The following CSMD1 variants were observed in gnomAD, a reference collection of about 807,000 sequenced individuals.
The protein encoded by CSMD1 is CUB and Sushi multiple domains 1.
A neutral mutation model predicts 417.5 loss-of-function variants in CSMD1; 213 were observed. The observed-to-expected ratio is 0.51, with a 90% confidence interval of 0.46 to 0.57. CSMD1 has a LOEUF of 0.57. Ranked by LOEUF, CSMD1 falls within the 20% of genes least tolerant of loss-of-function variation. The pLI is 0.00. For missense variants in CSMD1, 6,923 were observed against 4,529.7 expected, an observed-to-expected ratio of 1.53 and a Z score of -15.17; for synonymous variants, 2,862 against 1,736.8, an observed-to-expected ratio of 1.65 and a Z score of -16.11.
At chr8:4,309,626 G>A (rs539972157) in intron 3 of CSMD1, among the ~76,000 whole-genome samples, 1 of 151,990 alleles carries the variant, frequency 6.6e-6, no homozygotes, top group Admixed American at 6.6e-5. Context: ...AACTCCCTTG[G>A]GAAGGGGCAT....
intron 5 of CSMD1, among the ~76,000 whole-genome samples, chr8:3,802,447 A>C (rs1195568874): frequency 6.6e-6 from 1 of 152,126 alleles, no homozygotes; most frequent in African/African-American, 2.4e-5. Context: ...TTTTCTTATT[A>C]AATTTGTCAG....
chr8:3,144,259 T>G (rs555759325), intron 40 of CSMD1, among the ~76,000 whole-genome samples: 1 of 148,006 alleles, frequency 6.8e-6, no homozygotes, highest in Admixed American at 6.7e-5. Context: ...GACAAAGGCC[T>G]CACTTTTTCT....
At chr8:4,768,015 G>T (rs1033466926) in intron 1 of CSMD1, among the ~76,000 whole-genome samples, 1 of 152,114 alleles carries the variant, frequency 6.6e-6, no homozygotes, top group Non-Finnish European at 1.5e-5. Flanking sequence ...TCACATTTAC[G>T]TTCAACAGAC....
chr8:3,562,681 A>G (rs1327972512), intron 10 of CSMD1, among the ~76,000 whole-genome samples: 1 of 152,090 alleles, frequency 6.6e-6, no homozygotes, highest in Non-Finnish European at 1.5e-5. Context: ...TAAAGACACT[A>G]TTATAGTTAA....
chr8:4,749,958 C>T (rs199608182), intron 1 of CSMD1, among the ~76,000 whole-genome samples: 3 of 151,918 alleles, frequency 2.0e-5, no homozygotes, highest in East Asian at 1.9e-4. Flanking sequence ...TCATGGTTCC[C>T]TCAAGTGCCT....
chr8:3,715,919 G>A (rs1265621852), intron 6 of CSMD1, among the ~76,000 whole-genome samples: 1 of 152,198 alleles, frequency 6.6e-6, no homozygotes, highest in African/African-American at 2.4e-5. Context: ...TGCAGCTGCT[G>A]CAGCCCCTAC....
chr8:4,907,933 T>C (rs991194204), intron 1 of CSMD1, among the ~76,000 whole-genome samples: 2 of 152,182 alleles, frequency 1.3e-5, no homozygotes, highest in African/African-American at 4.8e-5. Flanking sequence ...GTTAAAATCA[T>C]TTGATAGAAA....
intron 5 of CSMD1, among the ~76,000 whole-genome samples, chr8:3,897,531 C>T (rs1039755512): frequency 1.3e-5 from 2 of 151,464 alleles, no homozygotes; most frequent in African/African-American, 4.9e-5. Context: ...AGCCTGTGTA[C>T]ACTATAAGTT....
chr8:4,326,716 C>T (rs1799583401), intron 3 of CSMD1, among the ~76,000 whole-genome samples: 1 of 151,974 alleles, frequency 6.6e-6, no homozygotes, highest in African/African-American at 2.4e-5. Context: ...GTTTGGGTAA[C>T]ACCAAATGGG....
rs1193634887 is a variant in CSMD1, at chr8:3,287,331, C to T, written c.3951-2985G>A. On this transcript the variant is annotated intron_variant, in intron 25 of 69. Transcript: ENST00000635120. ...AACTTTAAAGTAGTTTTTTCTAATT[C>T]TGTGAAGAAAGTCATTGGTAACTTG... is the stretch of plus-strand genomic sequence containing the variant. 2.6e-5 allele frequency among the ~76,000 whole-genome samples: 4 copies of T among 152,054 alleles called. No homozygotes were observed. In the South Asian group the frequency reaches 6.2e-4, roughly 24 times the overall value.
chr8:3,400,959 A>G (rs202239168), intron 15 of CSMD1, among the ~76,000 whole-genome samples: 1 of 64 alleles, frequency 0.016, no homozygotes, highest in East Asian at 0.5. Context: ...TAAAACAACC[A>G]AAATTATACT....
At chr8:3,554,137 C>T (rs1299063484) in intron 10 of CSMD1, among the ~76,000 whole-genome samples, 1 of 152,128 alleles carries the variant, frequency 6.6e-6, no homozygotes, top group Non-Finnish European at 1.5e-5. Flanking sequence ...GCCTTTTATA[C>T]AAGTGAAACA....
intron 41 of CSMD1, among the ~76,000 whole-genome samples, chr8:3,138,489 T>C (rs1204060818): frequency 6.6e-6 from 1 of 152,110 alleles, no homozygotes; most frequent in African/African-American, 2.4e-5. Flanking sequence ...GTAGAGAGAA[T>C]GGGAGAGATT....
intron 40 of CSMD1, among the ~76,000 whole-genome samples, chr8:3,144,567 C>T (rs1818718491): frequency 6.6e-6 from 1 of 151,908 alleles, no homozygotes; most frequent in Non-Finnish European, 1.5e-5. Flanking sequence ...CAAGAAAGGA[C>T]CTGTGATGGT....
At chr8:4,457,845 T>C (rs1374197056) in intron 2 of CSMD1, among the ~76,000 whole-genome samples, 1 of 152,064 alleles carries the variant, frequency 6.6e-6, no homozygotes, top group South Asian at 2.1e-4. Context: ...TGCAGTGACT[T>C]CCGAGGCTTG....
chr8:3,612,917 T>A (rs932501516), intron 8 of CSMD1, among the ~76,000 whole-genome samples: 3 of 151,808 alleles, frequency 2.0e-5, no homozygotes, highest in African/African-American at 7.3e-5. Context: ...GGAAATAAAT[T>A]AATAAGAGGT....
chr8:3,720,019 G>C (rs1360097305), intron 6 of CSMD1, among the ~76,000 whole-genome samples: 1 of 152,148 alleles, frequency 6.6e-6, no homozygotes, highest in East Asian at 1.9e-4. Context: ...GAAGCACCTA[G>C]TGCAATGTCT....
At chr8:3,996,963 A>G (rs1289798421) in intron 5 of CSMD1, among the ~76,000 whole-genome samples, 2 of 152,102 alleles carry the variant, frequency 1.3e-5, no homozygotes, top group Non-Finnish European at 2.9e-5. Context: ...CTAAAATGCA[A>G]ACTGCAACCT....
chr8:4,809,493 G>C (rs554597545), intron 1 of CSMD1, among the ~76,000 whole-genome samples: 52 of 152,190 alleles, frequency 3.4e-4, no homozygotes, highest in African/African-American at 1.1e-3. Flanking sequence ...ATTGCCAATA[G>C]ACATGAATAA....
Sources: gnomAD v4.1 joint callset for allele counts (sites outside exome capture counted in the v4.1 genomes callset) on GRCh38, gnomAD v4.1.1 for gene constraint, MANE v1.5 for transcripts, NCBI Gene and HGNC (gene_info 2026-07-23, HGNC 2026-07-21) for gene names.